RB1: variants seen among roughly 807,000 people sequenced by gnomAD.
RB1 encodes the protein retinoblastoma-associated protein.
A neutral mutation model predicts 135.4 loss-of-function variants in RB1; 18 were observed. That is an observed-to-expected ratio of 0.13 (90% CI 0.09 to 0.20). The LOEUF (loss-of-function observed/expected upper bound fraction) is 0.20, where lower values mean the gene tolerates loss of function less well. Among genes scored for constraint, RB1 ranks in the 10% least tolerant of loss-of-function variants. The pLI, the probability that RB1 is intolerant of heterozygous loss-of-function variation, is 1.00. For synonymous variants in RB1, 365 were observed against 373.2 expected (o/e 0.98, Z 0.25); for missense variants, 868 against 1,110.0 (o/e 0.78, Z 3.10).
chr13:48,432,481 G>C (rs1949140446), intron 17 of RB1, among the ~76,000 whole-genome samples: 1 of 151,474 alleles, frequency 6.6e-6, no homozygotes, highest in Non-Finnish European at 1.5e-5. Context: ...TTCTCGGAGA[G>C]TAGCTGTCTC....
At chr13:48,389,600 A>G (rs912349594) in intron 17 of RB1, 5 of 152,148 alleles carry the variant, frequency 3.3e-5, no homozygotes, top group Non-Finnish European at 7.3e-5. Flanking sequence ...TATTTTGCTT[A>G]TGATTTTTTG....
At chr13:48,411,145 A>C (rs1235073143) in intron 17 of RB1, 1 of 380,322 alleles carries the variant, frequency 2.6e-6, no homozygotes, top group Admixed American at 3.9e-5. Flanking sequence ...AAATAACTTT[A>C]AGAGATTTTT....
chr13:48,480,512 CCTAT>C lies in RB1; in HGVS notation c.*448_*451del, dbSNP rs746086958. 2.3e-4 allele frequency: 53 copies of C among 229,808 alleles called. No individual in the cohort carries two copies. The highest frequency in any genetic ancestry group is 9.5e-4 in the Admixed American group (17 of 17,954). 14.2% of individuals were successfully genotyped at this position (229,808 alleles called of 1,614,324 possible). ...ACATGAACACCCTTAGAAAATGTGTCCTATCTATCTTCCAAATGCAATTTGATTG... is the reference window on the plus strand; with the variant it reads ...ACATGAACACCCTTAGAAAATGTGTCCTATCTTCCAAATGCAATTTGATTG... On this transcript the variant is annotated 3_prime_UTR_variant, in exon 27 of 27. Coordinates refer to ENST00000267163, the MANE Select transcript of RB1 (RefSeq NM_000321.3).
intron 6 of RB1, among the ~76,000 whole-genome samples, chr13:48,352,597 G>A (rs1245864732): frequency 1.3e-5 from 2 of 152,020 alleles, no homozygotes; most frequent in African/African-American, 2.4e-5. Context: ...GTATTCCTAT[G>A]TATTCTTTTT....
At chr13:48,307,732 G>A (rs1018192959) in intron 2 of RB1, among the ~76,000 whole-genome samples, 5 of 150,150 alleles carry the variant, frequency 3.3e-5, no homozygotes, top group Admixed American at 6.7e-5. Context: ...AGGGTGTGGC[G>A]TGCGCCTGTA....
At position 48,480,875 on chromosome 13, in the gene RB1, T is replaced by C. The variant is rs767973301; in HGVS notation, c.*804T>C. 12 of 227,904 alleles carry C rather than the reference T, an allele frequency of 5.3e-5. No homozygotes were observed. The highest frequency in any genetic ancestry group is 8.7e-5 in the Non-Finnish European group (10 of 114,520). 14.1% of individuals were successfully genotyped at this position (227,904 alleles called of 1,614,324 possible). A position where few individuals can be genotyped will look rare whatever the true frequency, so the allele number is the denominator to read the frequency against. On this transcript the variant is annotated 3_prime_UTR_variant, in exon 27 of 27. Coordinates refer to ENST00000267163, the MANE Select transcript of RB1 (RefSeq NM_000321.3). The stretch of plus-strand genomic sequence containing the variant: ...CATTCAGATCACTGAATTTATAAAG[T>C]ACCCATCTAGTACTTGAAAAAGTAA...
rs2138028169 is a variant in RB1, at chr13:48,304,060, A to G, written c.137+11A>G. ...CCTGCCTCTCGTCAGGTGAGCGAGCAGAGCCGCCGTCGCCTCACGCGGGAA... is the reference window on the plus strand; with the variant it reads ...CCTGCCTCTCGTCAGGTGAGCGAGCGGAGCCGCCGTCGCCTCACGCGGGAA... On this transcript the variant is annotated intron_variant, in intron 1 of 26. Transcript: ENST00000267163. 7.1e-7 allele frequency: 1 copy of G among 1,418,400 alleles called. No homozygotes were observed. Among genetic ancestry groups the G allele is most frequent in the Non-Finnish European group, 9.1e-7 (1 of 1,094,912 alleles). The allele number at this position is 1,418,400 out of a possible 1,614,324, so 87.9% of individuals were successfully genotyped here.
rs547819604 is a variant in RB1 at position 48,378,573 on chromosome 13, C to A, written c.1333-1021C>A. The stretch of plus-strand genomic sequence containing the variant: ...GAAGGAGCTGCCTGAGGGTGTTTTA[C>A]ATTTAACTTTTTTTTTTTTTTACAA... On this transcript the variant is annotated intron_variant, in intron 13 of 26. Transcript: ENST00000267163. Among the ~76,000 whole-genome samples, 27 of 150,812 alleles carry A rather than the reference C, an allele frequency of 1.8e-4. 1 individual carries two copies. The highest frequency in any genetic ancestry group is 6.6e-4 in the African/African-American group (27 of 41,094).
chr13:48,402,536 C>T (rs1332857653), intron 17 of RB1, among the ~76,000 whole-genome samples: 3 of 151,912 alleles, frequency 2.0e-5, no homozygotes, highest in African/African-American at 7.3e-5. Flanking sequence ...AGCCAACACA[C>T]CCAGCTAATT....
At chr13:48,338,010 C>T (rs113096959) in intron 2 of RB1, among the ~76,000 whole-genome samples, 1 of 152,198 alleles carries the variant, frequency 6.6e-6, no homozygotes, top group African/African-American at 2.4e-5. Context: ...TATTGGCCCC[C>T]ACTCTCTTCT....
intron 9 of RB1, among the ~76,000 whole-genome samples, chr13:48,366,856 C>T (rs904131675): frequency 2.0e-5 from 3 of 152,070 alleles, no homozygotes; most frequent in African/African-American, 4.8e-5. Context: ...CGGTGGCTCA[C>T]GCCTGTAATT....
chr13:48,464,513 T>C (rs1400615085), intron 21 of RB1, among the ~76,000 whole-genome samples: 3 of 152,238 alleles, frequency 2.0e-5, no homozygotes, highest in African/African-American at 7.2e-5. Flanking sequence ...TATAGTGCTT[T>C]TACTAAATGT....
chr13:48,325,523 A>G (rs1952279946), intron 2 of RB1, among the ~76,000 whole-genome samples: 2 of 152,234 alleles, frequency 1.3e-5, no homozygotes, highest in Admixed American at 1.3e-4. Context: ...AGAAAAGTAT[A>G]AACAGTAAAA....
At chr13:48,354,749 G>T (rs925473505) in intron 6 of RB1, among the ~76,000 whole-genome samples, 2 of 152,108 alleles carry the variant, frequency 1.3e-5, no homozygotes, top group South Asian at 4.1e-4. Flanking sequence ...AGAACAGAGA[G>T]CCCAGAAACA....
intron 11 of RB1, 32 bp from the exon 12 acceptor site, chr13:48,373,373 T>C (rs1952782837): frequency 7.5e-7 from 1 of 1,334,104 alleles, no homozygotes; most frequent in African/African-American, 1.4e-5. Context: ...CCTTCATTGC[T>C]TAACACATTT....
intron 2 of RB1, among the ~76,000 whole-genome samples, chr13:48,332,072 G>C (rs912209571): frequency 3.3e-5 from 5 of 152,192 alleles, no homozygotes; most frequent in Non-Finnish European, 7.3e-5. Flanking sequence ...AGGAAATCCT[G>C]CCATTTGCAA....
chr13:48,348,975 T>C lies in RB1; in HGVS notation c.559T>C (p.Ser187Pro). ...PSSSISTEIN[S>P]ALVLKVSWIT... The stretch of plus-strand genomic sequence containing the variant: ...TAATAGGATATCTACTGAAATAAAT[T>C]CTGCATTGGTGCTAAAAGTTTCTTG... The change falls in exon 6 of 27, where the codon TCT becomes CCT. Residue 187 changes from serine (S) to proline (P), a missense_variant. Physicochemically the swap from Ser to Pro is moderately conservative, Grantham distance 74 (BLOSUM62 -1). Around this residue, in one of 3 missense-constraint regions of RB1, gnomAD observed 641 missense variants for 791.3 expected, o/e 0.81. Transcript: ENST00000267163. 6.2e-7 allele frequency: 1 copy of C among 1,603,136 alleles called. No individual in the cohort carries two copies. The highest frequency in any genetic ancestry group is 1.1e-5 in the South Asian group (1 of 90,172).
intron 11 of RB1, among the ~76,000 whole-genome samples, chr13:48,371,292 G>A (rs982715004): frequency 2.0e-5 from 3 of 152,192 alleles, no homozygotes; most frequent in African/African-American, 7.2e-5. Flanking sequence ...ATAAGAAAAA[G>A]TGAGAAATAG....
In RB1 at chr13:48,411,981, C is replaced by G. The variant is rs763895617; in HGVS notation, c.1695+30538C>G. ...AGACTGAACAAAAACGGCGGGTGCA[C>G]TTCCTCCGATCACAGTTAACCACAC... On this transcript the variant is annotated intron_variant, in intron 17 of 26. Coordinates refer to ENST00000267163, the MANE Select transcript of RB1 (RefSeq NM_000321.3). 1.0e-5 allele frequency: 16 copies of G among 1,600,696 alleles called. No homozygotes were observed. The highest frequency in any genetic ancestry group is 1.7e-5 in the Admixed American group (1 of 57,770).
Sources: gnomAD v4.1 joint callset for allele counts (sites outside exome capture counted in the v4.1 genomes callset) on GRCh38, gnomAD v4.1.1 for gene constraint, gnomAD v4.1.1 regional missense constraint, MANE v1.5 for transcripts, NCBI Gene and HGNC (gene_info 2026-07-23, HGNC 2026-07-21) for gene names.